Variants in TMCC1 observed in about 807,000 individuals in gnomAD.
The protein encoded by TMCC1 is transmembrane and coiled-coil domains protein 1.
A neutral mutation model predicts 52.4 loss-of-function variants in TMCC1; 15 were observed. The observed-to-expected ratio is 0.29, with a 90% confidence interval of 0.19 to 0.44. The LOEUF (loss-of-function observed/expected upper bound fraction) is 0.44, where lower values mean the gene tolerates loss of function less well. Ranked by LOEUF, TMCC1 falls within the 20% of genes least tolerant of loss-of-function variation. The pLI, the probability that TMCC1 is intolerant of heterozygous loss-of-function variation, is 1.00. For missense variants in TMCC1, 503 were observed against 806.0 expected (o/e 0.62, Z 4.55); for synonymous variants, 279 against 301.9 (o/e 0.92, Z 0.79).
chr3:129,884,594 T>C (rs913718332), intron 1 of TMCC1, among the ~76,000 whole-genome samples: 1 of 152,228 alleles, frequency 6.6e-6, no homozygotes, highest in African/African-American at 2.4e-5. Context: ...CAGTCAATAT[T>C]ATTTCTTCTT....
chr3:129,855,526 G>A (rs2060113186), intron 2 of TMCC1, among the ~76,000 whole-genome samples: 1 of 151,764 alleles, frequency 6.6e-6, no homozygotes, highest in African/African-American at 2.4e-5. Context: ...AAAAGGAGAA[G>A]AAATGAGGGC....
chr3:129,690,829 C>T (rs187269171), intron 4 of TMCC1, among the ~76,000 whole-genome samples: 25 of 152,166 alleles, frequency 1.6e-4, no homozygotes, highest in Non-Finnish European at 2.9e-5. Context: ...ATGATTTTAT[C>T]TTTTTGAAAA....
intron 2 of TMCC1, among the ~76,000 whole-genome samples, chr3:129,868,577 C>T (rs1289328829): frequency 1.3e-5 from 2 of 152,114 alleles, no homozygotes; most frequent in African/African-American, 4.8e-5. Context: ...GAGCTGGGAT[C>T]ACAGGTGCAC....
At chr3:129,666,763 A>G (rs903568664) in intron 5 of TMCC1, among the ~76,000 whole-genome samples, 4 of 151,784 alleles carry the variant, frequency 2.6e-5, no homozygotes, top group Non-Finnish European at 5.9e-5. Context: ...ACAAAAAAAC[A>G]AAAAGAAAAT....
chr3:129,767,177 C>T (rs1015101085), intron 4 of TMCC1, among the ~76,000 whole-genome samples: 30 of 150,900 alleles, frequency 2.0e-4, no homozygotes, highest in African/African-American at 7.3e-4. Context: ...AACAGAATCG[C>T]TTGAACCCGG....
chr3:129,692,836 C>CATTT lies in TMCC1; in HGVS notation c.577-21576_577-21573dup, dbSNP rs748878185. On this transcript the variant is annotated intron_variant, in intron 4 of 6. Coordinates refer to ENST00000393238, the MANE Select transcript of TMCC1 (RefSeq NM_001017395.5). The stretch of plus-strand genomic sequence containing the variant: ...TTGTTAAAGAATGTAAAAGACAAAT[C>CATTT]ATTTATTTATTTATTTATTTATTTA... 7.3e-4 allele frequency among the ~76,000 whole-genome samples: 111 copies of CATTT among 152,088 alleles called. 1 individual carries two copies. Among genetic ancestry groups the CATTT allele is most frequent in the East Asian group, 1.9e-3 (10 of 5,186 alleles).
chr3:129,858,074 AAC>A (rs2060224766), intron 2 of TMCC1, among the ~76,000 whole-genome samples: 1 of 152,080 alleles, frequency 6.6e-6, no homozygotes, highest in Non-Finnish European at 1.5e-5. Flanking sequence ...TTACAATGCT[AAC>A]ACAACTTTCT....
intron 4 of TMCC1, among the ~76,000 whole-genome samples, chr3:129,729,363 GT>G (rs1175862497): frequency 9.9e-5 from 15 of 152,086 alleles, no homozygotes; most frequent in Non-Finnish European, 1.9e-4. Context: ...GACAACTTTT[GT>G]TGTCTGTTTT....
At position 129,734,759 on chromosome 3, in the gene TMCC1, G is replaced by A. The variant is rs115482084; in HGVS notation, c.577-63495C>T. Among the ~76,000 whole-genome samples, 1,517 of 152,168 alleles carry A rather than the reference G, an allele frequency of 1.0e-2. 26 individuals are homozygous for A. Among genetic ancestry groups the A allele is most frequent in the African/African-American group, 0.035 (1,446 of 41,506 alleles). On this transcript the variant is annotated intron_variant, in intron 4 of 6. Transcript: ENST00000393238. Reference sequence around the variant, plus strand: ...GGATAGTACTTGTCTCTGAAGAAGCGGAATGGATTGAGGAATGGTACACAA... The same window carrying A: ...GGATAGTACTTGTCTCTGAAGAAGCAGAATGGATTGAGGAATGGTACACAA...
chr3:129,655,695 G>A (rs1415498702), intron 5 of TMCC1, among the ~76,000 whole-genome samples: 1 of 152,228 alleles, frequency 6.6e-6, no homozygotes, highest in African/African-American at 2.4e-5. Context: ...TGGGAATATT[G>A]TGGTAAGCAA....
intron 2 of TMCC1, among the ~76,000 whole-genome samples, chr3:129,864,239 A>G (rs2060523287): frequency 6.6e-6 from 1 of 152,192 alleles, no homozygotes; most frequent in South Asian, 2.1e-4. Context: ...ATAAAATTTT[A>G]AAGTTGGACT....
chr3:129,810,528 T>G (rs527335891), intron 4 of TMCC1, among the ~76,000 whole-genome samples: 1 of 152,186 alleles, frequency 6.6e-6, no homozygotes, highest in Non-Finnish European at 1.5e-5. Context: ...CAGCTTGCAT[T>G]TTATCTTTAT....
At chr3:129,841,009 A>C (rs2059401322) in intron 2 of TMCC1, among the ~76,000 whole-genome samples, 1 of 152,230 alleles carries the variant, frequency 6.6e-6, no homozygotes, top group African/African-American at 2.4e-5. Flanking sequence ...AAGATGTGGG[A>C]AAGTTTGGAA....
chr3:129,744,382 G>A (rs1432938073), intron 4 of TMCC1, among the ~76,000 whole-genome samples: 1 of 152,014 alleles, frequency 6.6e-6, no homozygotes, highest in Non-Finnish European at 1.5e-5. Flanking sequence ...TGAACTCCTG[G>A]GCTCAAGCAA....
intron 4 of TMCC1, among the ~76,000 whole-genome samples, chr3:129,763,542 C>CAAATAAAA (rs2053822866): frequency 2.2e-5 from 1 of 44,664 alleles, no homozygotes; most frequent in Non-Finnish European, 4.2e-5. Flanking sequence ...GACCCTGTCT[C>CAAATAAAA]AAAAAAAAAA....
chr3:129,780,348 G>C (rs887506574), intron 4 of TMCC1, among the ~76,000 whole-genome samples: 1 of 151,962 alleles, frequency 6.6e-6, no homozygotes, highest in Non-Finnish European at 1.5e-5. Context: ...TTCCTCTACT[G>C]AACCTATAGT....
chr3:129,705,096 A>G (rs2048121285), intron 4 of TMCC1, among the ~76,000 whole-genome samples: 1 of 152,228 alleles, frequency 6.6e-6, no homozygotes, highest in South Asian at 2.1e-4. Flanking sequence ...AAAAATTCCA[A>G]GCTATAAAAG....
intron 4 of TMCC1, among the ~76,000 whole-genome samples, chr3:129,801,952 G>A (rs928960842): frequency 2.0e-5 from 3 of 152,172 alleles, no homozygotes; most frequent in Non-Finnish European, 2.9e-5. Flanking sequence ...GTACCAAATA[G>A]TGTTATTTAG....
chr3:129,677,753 C>T (rs1005085190), intron 4 of TMCC1, among the ~76,000 whole-genome samples: 1 of 152,152 alleles, frequency 6.6e-6, no homozygotes, highest in Non-Finnish European at 1.5e-5. Flanking sequence ...AAGAGCTGTT[C>T]GAATGATATA....
Sources: allele counts gnomAD v4.1 joint callset (sites outside exome capture counted in the v4.1 genomes callset), GRCh38; gene constraint gnomAD v4.1.1; transcripts MANE v1.5; gene names NCBI Gene and HGNC (gene_info 2026-07-23, HGNC 2026-07-21).